Variants in KLRG1 observed in about 807,000 individuals in gnomAD.
KLRG1 encodes the protein killer cell lectin like receptor G1, also known as killer cell lectin-like receptor subfamily G member 1.
Under a neutral mutation model 21.8 loss-of-function variants are expected in KLRG1, and 16 were observed. The observed-to-expected ratio is 0.73, with a 90% CI of 0.50 to 1.11. KLRG1 has a LOEUF of 1.11. Ranked by LOEUF, KLRG1 falls within the 50% of genes most tolerant of loss-of-function variation. KLRG1 has a pLI of 0.00. For synonymous variants in KLRG1, 69 were observed against 75.9 expected (o/e 0.91, Z 0.47); for missense variants, 173 against 218.3 (o/e 0.79, Z 1.31).
chr12:9,134,138 T>C, the KLRG1 span, among the ~76,000 whole-genome samples: 8 of 152,314 alleles, frequency 5.3e-5, no homozygotes, highest in South Asian at 8.3e-4. Context: ...GGTTAGACTT[T>C]GCCTGTCTTG....
the KLRG1 span, chr12:9,072,236 T>A: frequency 8.9e-7 from 1 of 1,129,294 alleles, no homozygotes; most frequent in African/African-American, 1.6e-5. Flanking sequence ...CTTAAGAGAA[T>A]ACATTGCATT....
chr12:9,087,010 G>A, the KLRG1 span, among the ~76,000 whole-genome samples: 1 of 151,840 alleles, frequency 6.6e-6, no homozygotes, highest in African/African-American at 2.4e-5. Context: ...GATTGAGAAA[G>A]AAATAAAAAC....
chr12:9,020,641 G>A, the KLRG1 span, among the ~76,000 whole-genome samples: 49,006 of 151,856 alleles, frequency 0.32, 7,914 homozygotes, highest in Admixed American at 0.38. Flanking sequence ...TGGATTTACC[G>A]CAATTAATTT....
chr12:9,109,548 C>T, the KLRG1 span: 1 of 670,776 alleles, frequency 1.5e-6, no homozygotes, highest in Non-Finnish European at 2.6e-6. Flanking sequence ...TCTTATCTAT[C>T]CTCCTCTCAA....
chr12:9,042,418 T>C, the KLRG1 span, among the ~76,000 whole-genome samples: 1 of 152,222 alleles, frequency 6.6e-6, no homozygotes, highest in African/African-American at 2.4e-5. Context: ...ATTTCAAGAT[T>C]ACAGCTGTAG....
chr12:9,143,269 C>T, the KLRG1 span, among the ~76,000 whole-genome samples: 1 of 152,258 alleles, frequency 6.6e-6, no homozygotes, highest in African/African-American at 2.4e-5. Flanking sequence ...GACATGAACA[C>T]AAGCAATACC....
the KLRG1 span, among the ~76,000 whole-genome samples, chr12:9,205,744 C>CT: frequency 6.6e-6 from 1 of 152,116 alleles, no homozygotes; most frequent in East Asian, 1.9e-4. Flanking sequence ...AACATAAACT[C>CT]TTACTTTTTA....
the KLRG1 span, among the ~76,000 whole-genome samples, chr12:9,175,853 G>C: frequency 6.0e-4 from 91 of 152,274 alleles, no homozygotes; most frequent in African/African-American, 1.9e-3. Context: ...TTTTTTTACT[G>C]TTGTGGGGAG....
intron 1 of KLRG1, among the ~76,000 whole-genome samples, chr12:8,951,404 G>A (rs1225357854): frequency 6.6e-6 from 1 of 152,214 alleles, no homozygotes; most frequent in Non-Finnish European, 1.5e-5. Context: ...GGGAGTTGGA[G>A]GCTGCAGTGA....
At chr12:9,097,693 G>A in the KLRG1 span, among the ~76,000 whole-genome samples, 26 of 150,160 alleles carry the variant, frequency 1.7e-4, no homozygotes, top group Non-Finnish European at 3.5e-4. Flanking sequence ...GAGTGCAGTG[G>A]CACGATCTCG....
chr12:9,185,082 T>C, the KLRG1 span, among the ~76,000 whole-genome samples: 1 of 152,208 alleles, frequency 6.6e-6, no homozygotes, highest in Non-Finnish European at 1.5e-5. Context: ...AGGGCTGAGA[T>C]GGCTGAAATG....
chr12:9,025,170 A>G, the KLRG1 span, among the ~76,000 whole-genome samples: 47,757 of 152,094 alleles, frequency 0.31, 7,561 homozygotes, highest in Admixed American at 0.38. Context: ...AGGTAAGGAA[A>G]TGGAAACAAT....
the KLRG1 span, chr12:9,110,217 G>A: frequency 8.5e-7 from 1 of 1,182,478 alleles, no homozygotes; most frequent in Non-Finnish European, 1.2e-6. Flanking sequence ...CTCCTTTAAT[G>A]ACAAGTTTCT....
the KLRG1 span, chr12:9,069,860 C>A: frequency 3.5e-5 from 55 of 1,551,590 alleles, no homozygotes; most frequent in Admixed American, 3.4e-4. Flanking sequence ...AGATGAAACC[C>A]CTGGGGGATC....
At chr12:9,179,642 C>T in the KLRG1 span, among the ~76,000 whole-genome samples, 1 of 152,172 alleles carries the variant, frequency 6.6e-6, no homozygotes, top group African/African-American at 2.4e-5. Flanking sequence ...CATGACTTCC[C>T]TTATGTTTGC....
At chr12:9,025,466 G>A in the KLRG1 span, among the ~76,000 whole-genome samples, 5 of 152,096 alleles carry the variant, frequency 3.3e-5, no homozygotes, top group African/African-American at 7.2e-5. Flanking sequence ...GTGAAACCCC[G>A]TCTCTACTAA....
the KLRG1 span, chr12:9,089,096 C>T: frequency 2.2e-6 from 2 of 898,754 alleles, no homozygotes; most frequent in South Asian, 1.8e-5. Flanking sequence ...GATGGTGCTT[C>T]AGGTCTTAGA....
the KLRG1 span, chr12:9,067,517 A>G: frequency 2.2e-6 from 1 of 445,486 alleles, no homozygotes; most frequent in East Asian, 4.7e-5. Flanking sequence ...CTTTCCTAGT[A>G]CATAACCCAA....
the KLRG1 span, chr12:9,158,565 A>G: frequency 1.9e-6 from 3 of 1,614,098 alleles, no homozygotes; most frequent in Non-Finnish European, 1.7e-6. Flanking sequence ...CTTCAGTACA[A>G]AAGCTGTGAG....
Sources: allele counts gnomAD v4.1 joint callset (sites outside exome capture counted in the v4.1 genomes callset), GRCh38; gene constraint gnomAD v4.1.1; transcripts MANE v1.5; gene names NCBI Gene and HGNC (gene_info 2026-07-23, HGNC 2026-07-21).